DAPK2: variants seen among roughly 807,000 people sequenced by gnomAD.
DAPK2 encodes the protein death-associated protein kinase 2.
A neutral mutation model predicts 44.1 loss-of-function variants in DAPK2; 35 were observed. That is an observed-to-expected ratio of 0.79 (90% confidence interval 0.61 to 1.05). The LOEUF is 1.05. Ranked by LOEUF, DAPK2 falls within the 50% of genes least tolerant of loss-of-function variation. The pLI, the probability that DAPK2 is intolerant of heterozygous loss-of-function variation, is 0.00. For synonymous variants in DAPK2, 174 were observed against 182.6 expected, an observed-to-expected ratio of 0.95 and a Z score of 0.38; for missense variants, 453 against 483.2, an observed-to-expected ratio of 0.94 and a Z score of 0.59.
At position 63,939,023 on chromosome 15, in the gene DAPK2, T is replaced by C. The variant is rs1396099958; in HGVS notation, c.583+209A>G. On this transcript the variant is annotated intron_variant, in intron 4 of 10. Transcript: ENST00000261891. The surrounding 1 kb of genome is among the most constrained non-coding windows in gnomAD (Gnocchi z 4.3). ...AGAGCCACTGGGCCCCACTCAGCCC[T>C]TGCCTCACTGAGCACTCAAAGCCTA... 2.0e-5 allele frequency among the ~76,000 whole-genome samples: 3 copies of C among 152,092 alleles called. No homozygotes were observed. The highest frequency in any genetic ancestry group is 1.3e-4 in the Admixed American group (2 of 15,272).
At chr15:63,957,360 C>T (rs115415409) in intron 3 of DAPK2, among the ~76,000 whole-genome samples, 60,476 of 151,372 alleles carry the variant, frequency 0.4, 12,592 homozygotes, top group Non-Finnish European at 0.45. Flanking sequence ...CTGGTTTTTT[C>T]TTTATTATTA....
Position 63,950,589 on chromosome 15 carries a change from TA to T in DAPK2, c.454-11229del, listed in dbSNP as rs1184562647. 2.6e-5 allele frequency among the ~76,000 whole-genome samples: 4 copies of T among 152,298 alleles called. No individual in the cohort carries two copies. In the East Asian group the frequency reaches 7.7e-4, roughly 29 times the overall value. On this transcript the variant is annotated intron_variant, in intron 3 of 10. Coordinates refer to ENST00000261891, the Ensembl canonical transcript of DAPK2. ...GAAAAAAACACTGTTTTATTTTTTT[TA>T]TTTTTTATTTTTTTGGATTAACTGT...
At chr15:64,011,872 C>G (rs1291123582) in intron 1 of DAPK2, among the ~76,000 whole-genome samples, 1 of 152,164 alleles carries the variant, frequency 6.6e-6, no homozygotes, top group Non-Finnish European at 1.5e-5. Flanking sequence ...ACATGCTTTA[C>G]TCTAAGTGGG....
chr15:64,033,287 GGGAA>G (rs1242064152), intron 1 of DAPK2, among the ~76,000 whole-genome samples: 12 of 51,220 alleles, frequency 2.3e-4, no homozygotes, highest in South Asian at 1.1e-3. Context: ...AGGGGGAAGG[GGGAA>G]GGAAGGAAGG....
At chr15:64,044,778 G>T (rs1202056362), upstream of DAPK2, among the ~76,000 whole-genome samples, 1 of 152,120 alleles carries the variant, frequency 6.6e-6, no homozygotes, top group Non-Finnish European at 1.5e-5. Context: ...AACTCTCTCA[G>T]TTCCTCATCC....
intron 1 of DAPK2, among the ~76,000 whole-genome samples, chr15:64,007,787 G>A (rs947938583): frequency 6.6e-6 from 1 of 152,154 alleles, no homozygotes; most frequent in Non-Finnish European, 1.5e-5. Context: ...ATCATCTAGT[G>A]AATAGATGAA....
At chr15:63,910,640 A>AGCTC (rs2078762114) in intron 10 of DAPK2, 1 of 152,304 alleles carries the variant, frequency 6.6e-6, no homozygotes, top group Non-Finnish European at 1.5e-5. Flanking sequence ...TCCTGGGCTC[A>AGCTC]AGTGATCCTC....
chr15:63,943,354 G>A (rs1239701248), intron 3 of DAPK2, among the ~76,000 whole-genome samples: 1 of 152,124 alleles, frequency 6.6e-6, no homozygotes, highest in Admixed American at 6.5e-5. Context: ...CCTGAGCCCA[G>A]GAGGTTGAGG....
intron 3 of DAPK2, among the ~76,000 whole-genome samples, chr15:63,964,084 C>G (rs565914522): frequency 6.6e-6 from 1 of 152,284 alleles, no homozygotes; most frequent in South Asian, 2.1e-4. Flanking sequence ...TCATTAATGT[C>G]CTTTTCCTTT....
At chr15:63,986,140 T>C (rs1312910911) in intron 1 of DAPK2, among the ~76,000 whole-genome samples, 1 of 152,206 alleles carries the variant, frequency 6.6e-6, no homozygotes, top group Non-Finnish European at 1.5e-5. Context: ...CCTTGGGCTG[T>C]TTCCAGAAGA....
intron 3 of DAPK2, among the ~76,000 whole-genome samples, chr15:63,943,915 C>T (rs553918018): frequency 7.4e-4 from 112 of 152,202 alleles, no homozygotes; most frequent in African/African-American, 2.1e-3. Context: ...CAGAGAGAAG[C>T]AGCAATGCCA....
intron 2 of DAPK2, among the ~76,000 whole-genome samples, chr15:63,977,012 T>C (rs1018131920): frequency 6.6e-6 from 1 of 151,920 alleles, no homozygotes; most frequent in Non-Finnish European, 1.5e-5. Flanking sequence ...AAGAACACCA[T>C]GAGGAAGGAA....
chr15:63,965,293 T>C (rs766628891), intron 3 of DAPK2, among the ~76,000 whole-genome samples: 8 of 152,236 alleles, frequency 5.3e-5, no homozygotes, highest in Non-Finnish European at 5.9e-5. Flanking sequence ...TCTCTTCCCT[T>C]ACTTTCTTCC....
chr15:63,978,724 C>G (rs2078422161), intron 2 of DAPK2, among the ~76,000 whole-genome samples: 1 of 152,162 alleles, frequency 6.6e-6, no homozygotes, highest in Admixed American at 6.5e-5. Flanking sequence ...AGCCACCCCC[C>G]ATCTCCTTCC....
At position 63,990,098 on chromosome 15, in the gene DAPK2, C is replaced by T. The variant is rs554233966; in HGVS notation, c.93-6344G>A. Among the ~76,000 whole-genome samples, 20 of 152,272 alleles carry T rather than the reference C, an allele frequency of 1.3e-4. No homozygotes were observed. The highest frequency in any genetic ancestry group is 2.0e-4 in the Admixed American group (3 of 15,286). On this transcript the variant is annotated intron_variant, in intron 1 of 10. Coordinates refer to ENST00000261891, the Ensembl canonical transcript of DAPK2. The surrounding 1 kb of genome is among the most constrained non-coding windows in gnomAD (Gnocchi z 4.3). ...CTCACCCTCTGTGGTAAGCCACAGC[C>T]AACCAGACTTGTTCTGTCAACTACC...
chr15:64,019,781 A>G (rs982548542), intron 1 of DAPK2, among the ~76,000 whole-genome samples: 1 of 152,190 alleles, frequency 6.6e-6, no homozygotes, highest in African/African-American at 2.4e-5. Context: ...TTAATTGCCC[A>G]TGGAATGCTT....
In DAPK2 at chr15:63,949,028, CG is replaced by C. The variant is rs1595780465; in HGVS notation, c.454-9668del. Reference sequence around the variant, plus strand: ...TGGCCTCCCCTCCTCTAGCTGATGCCGGCGTGCCTTCTGAAATCACCCTTGC... The same window carrying C: ...TGGCCTCCCCTCCTCTAGCTGATGCCGCGTGCCTTCTGAAATCACCCTTGC... On this transcript the variant is annotated intron_variant, in intron 3 of 10. Coordinates refer to ENST00000261891, the Ensembl canonical transcript of DAPK2. Among the ~76,000 whole-genome samples the C allele has an allele frequency of 2.6e-5, 4 of 152,308 alleles. No individual in the cohort carries two copies. In the East Asian group the frequency reaches 7.7e-4, roughly 29 times the overall value.
At chr15:63,932,745 G>C (rs2077008636) in intron 4 of DAPK2, 1 of 152,066 alleles carries the variant, frequency 6.6e-6, no homozygotes, top group South Asian at 2.1e-4. Context: ...CTGTCCTCTT[G>C]CATCCTGCTA....
intron 2 of DAPK2, among the ~76,000 whole-genome samples, chr15:63,973,339 T>C (rs1355484246): frequency 6.6e-6 from 1 of 152,254 alleles, no homozygotes; most frequent in Non-Finnish European, 1.5e-5. Context: ...CAAAGCCTTA[T>C]GGGCAGGGTT....
Sources: allele counts gnomAD v4.1 joint callset (sites outside exome capture counted in the v4.1 genomes callset), GRCh38; gene constraint gnomAD v4.1.1; non-coding constraint Gnocchi (gnomAD v3.1); transcripts MANE v1.5; gene names NCBI Gene and HGNC (gene_info 2026-07-23, HGNC 2026-07-21).